CDH19: variants seen among roughly 807,000 people sequenced by gnomAD.
CDH19 encodes the protein cadherin-19.
A neutral mutation model predicts 64.2 loss-of-function variants in CDH19; 67 were observed. The observed-to-expected ratio is 1.04, with a 90% CI of 0.86 to 1.28. CDH19 has a LOEUF of 1.28. Among genes scored for constraint, CDH19 ranks in the 50% most tolerant of loss-of-function variants. The pLI is 0.00. For synonymous variants in CDH19, 346 were observed against 319.3 expected, an observed-to-expected ratio of 1.08 and a Z score of -0.89; for missense variants, 1,030 against 929.0, an observed-to-expected ratio of 1.11 and a Z score of -1.41.
At chr18:66,573,556 T>A (rs1281803221) in intron 1 of CDH19, among the ~76,000 whole-genome samples, 3 of 151,630 alleles carry the variant, frequency 2.0e-5, no homozygotes, top group Non-Finnish European at 4.4e-5. Context: ...TCTTTAGAAA[T>A]TGCTAAAATA....
At position 66,555,421 on chromosome 18, in the gene CDH19, A is replaced by G. The variant is rs573190554; in HGVS notation, c.491-897T>C. 1.5e-4 allele frequency among the ~76,000 whole-genome samples: 23 copies of G among 151,894 alleles called. 1 individual carries two copies. The South Asian group carries it at 4.6e-3, about 30-fold the overall frequency. ...ATTTTATAAACTGATACACTCTAAT[A>G]GGAATCCATTCTATACTTCACTAAC... On this transcript the variant is annotated intron_variant, in intron 3 of 11. Coordinates refer to ENST00000262150, the MANE Select transcript of CDH19 (RefSeq NM_021153.4).
At chr18:66,532,043 T>TGAGTA (rs1296742435) in intron 8 of CDH19, among the ~76,000 whole-genome samples, 14 of 152,122 alleles carry the variant, frequency 9.2e-5, no homozygotes, top group African/African-American at 2.4e-4. Context: ...CCCAGCTCAC[T>TGAGTA]GCAACCTCCA....
intron 2 of CDH19, among the ~76,000 whole-genome samples, chr18:66,569,193 T>C (rs1170022244): frequency 6.6e-6 from 1 of 151,688 alleles, no homozygotes. Flanking sequence ...AAGATAATGA[T>C]AATCTTGACT....
intron 1 of CDH19, among the ~76,000 whole-genome samples, chr18:66,602,168 T>C (rs1322028257): frequency 2.0e-5 from 3 of 151,932 alleles, no homozygotes; most frequent in Non-Finnish European, 4.4e-5. Context: ...AAGATCAATA[T>C]CTCCTTTTAA....
At chr18:66,542,226 C>T (rs1016953223) in intron 7 of CDH19, among the ~76,000 whole-genome samples, 3 of 152,142 alleles carry the variant, frequency 2.0e-5, no homozygotes, top group South Asian at 4.1e-4. Flanking sequence ...TTAAGAACTA[C>T]ATATGCGTAT....
intron 3 of CDH19, among the ~76,000 whole-genome samples, chr18:66,556,014 A>G (rs1337454770): frequency 6.6e-6 from 1 of 151,776 alleles, no homozygotes; most frequent in Non-Finnish European, 1.5e-5. Flanking sequence ...CTAAGCTAGT[A>G]CTATACAAAT....
intron 9 of CDH19, among the ~76,000 whole-genome samples, chr18:66,525,735 T>C (rs1423259278): frequency 6.6e-6 from 1 of 152,144 alleles, no homozygotes; most frequent in Non-Finnish European, 1.5e-5. Flanking sequence ...CTATCATGTA[T>C]ACAGCAGGGT....
Position 66,571,689 on chromosome 18 carries a change from T to C in CDH19, c.195+321A>G, listed in dbSNP as rs1445272839. On this transcript the variant is annotated intron_variant, in intron 2 of 11. Transcript: ENST00000262150. ...AACAGAAAATCGGGCTAAATACTGT[T>C]GGTAAATGATATTTGTCTCACTGTG... Among the ~76,000 whole-genome samples the C allele has an allele frequency of 2.6e-5, 4 of 151,650 alleles. No homozygotes were observed. In the Admixed American group the frequency reaches 2.6e-4, roughly 10 times the overall value.
At chr18:66,573,018 G>T (rs903582878) in intron 1 of CDH19, among the ~76,000 whole-genome samples, 1 of 151,592 alleles carries the variant, frequency 6.6e-6, no homozygotes, top group African/African-American at 2.4e-5. Flanking sequence ...ATGTAAGAAT[G>T]ATATGAAATG....
At chr18:66,510,369 T>G (rs889037873) in intron 10 of CDH19, among the ~76,000 whole-genome samples, 11 of 150,688 alleles carry the variant, frequency 7.3e-5, no homozygotes, top group African/African-American at 2.7e-4. Flanking sequence ...CAAATCAATT[T>G]TGTATGCTTC....
intron 9 of CDH19, among the ~76,000 whole-genome samples, chr18:66,525,445 GT>G (rs1428438993): frequency 6.6e-6 from 1 of 151,944 alleles, no homozygotes. Flanking sequence ...ACTTTAAAAA[GT>G]TTTTAGTGGC....
At position 66,505,106 on chromosome 18, in the gene CDH19, G is replaced by C; in HGVS notation, c.2025C>G (p.Ser675Arg). 1 of 1,613,548 alleles carries C rather than the reference G, an allele frequency of 6.2e-7. No homozygotes were observed. Among genetic ancestry groups the C allele is most frequent in the Non-Finnish European group, 8.5e-7 (1 of 1,179,738 alleles). Residue 675 changes from serine (S) to arginine (R), a missense_variant, in exon 12 of 12, where the codon AGC becomes AGG. Ser to Arg is a moderately radical substitution (Grantham distance 110). Transcript: ENST00000262150. ...GCCTGTATAGGCTCCTGATCTCAGC[G>C]CTTGTGGTTTTCCGAGTCTTGCGTT... ...MRERKTRKTT[S>R]AEIRSLYRQS...
chr18:66,555,439 T>C (rs1431978735), intron 3 of CDH19, among the ~76,000 whole-genome samples: 2 of 151,794 alleles, frequency 1.3e-5, no homozygotes, highest in East Asian at 3.9e-4. Context: ...ATTCTATACT[T>C]CACTAACATG....
At chr18:66,511,193 T>A (rs7230022) in intron 10 of CDH19, among the ~76,000 whole-genome samples, 1 of 151,602 alleles carries the variant, frequency 6.6e-6, no homozygotes, top group Non-Finnish European at 1.5e-5. Flanking sequence ...ATCAAGCTAA[T>A]ATGACTAACT....
chr18:66,506,728 A>G (rs1985219593), intron 11 of CDH19, among the ~76,000 whole-genome samples: 2 of 151,932 alleles, frequency 1.3e-5, no homozygotes, highest in South Asian at 4.1e-4. Context: ...CCAAGAGCCA[A>G]CCTAGGATCT....
At chr18:66,515,742 A>C (rs775777794) in intron 9 of CDH19, among the ~76,000 whole-genome samples, 24 of 152,034 alleles carry the variant, frequency 1.6e-4, no homozygotes, top group Admixed American at 2.6e-4. Context: ...TTTAAAGTTA[A>C]TATTCCAAAT....
intron 9 of CDH19, among the ~76,000 whole-genome samples, chr18:66,517,066 T>A (rs1385011256): frequency 6.6e-6 from 1 of 152,132 alleles, no homozygotes; most frequent in East Asian, 1.9e-4. Context: ...ATGGGACATC[T>A]GAGTTGTTTT....
intron 1 of CDH19, among the ~76,000 whole-genome samples, chr18:66,593,509 T>C (rs548794237): frequency 1.5e-4 from 23 of 152,000 alleles, no homozygotes; most frequent in Non-Finnish European, 2.9e-4. Context: ...TTTGGAGACT[T>C]GCATAGTAGA....
chr18:66,540,180 G>A (rs562389295), intron 7 of CDH19, among the ~76,000 whole-genome samples: 20 of 152,066 alleles, frequency 1.3e-4, no homozygotes, highest in South Asian at 1.2e-3. Flanking sequence ...ATATTACTCC[G>A]TTGCTTTCAG....
Sources: allele counts gnomAD v4.1 joint callset (sites outside exome capture counted in the v4.1 genomes callset), GRCh38; gene constraint gnomAD v4.1.1; transcripts MANE v1.5; gene names NCBI Gene and HGNC (gene_info 2026-07-23, HGNC 2026-07-21).